CALN1: variants seen among roughly 807,000 people sequenced by gnomAD.
CALN1 encodes calneuron 1.
A neutral mutation model predicts 30.6 loss-of-function variants in CALN1; 17 were observed. The observed-to-expected ratio is 0.56, with a 90% CI of 0.38 to 0.83. The LOEUF (loss-of-function observed/expected upper bound fraction) is 0.83, where lower values mean the gene tolerates loss of function less well. CALN1 is among the 40% of genes least tolerant of loss of function. The pLI, the probability that CALN1 is intolerant of heterozygous loss-of-function variation, is 0.00. For synonymous variants in CALN1, 156 were observed against 131.4 expected, an observed-to-expected ratio of 1.19 and a Z score of -1.28; for missense variants, 291 against 354.9, an observed-to-expected ratio of 0.82 and a Z score of 1.45.
the CALN1 span, among the ~76,000 whole-genome samples, chr7:72,483,768 A>G: frequency 3.3e-5 from 5 of 150,534 alleles, no homozygotes; most frequent in South Asian, 1.1e-3. Flanking sequence ...TAAACAATTC[A>G]CTGATACTCT....
intron 5 of CALN1, among the ~76,000 whole-genome samples, chr7:71,989,470 G>T (rs1584690985): frequency 6.6e-6 from 1 of 151,264 alleles, no homozygotes; most frequent in African/African-American, 2.4e-5. Flanking sequence ...TGATCACAAG[G>T]CCAATATCTG....
At chr7:72,272,506 G>A (rs1225024313) in intron 3 of CALN1, among the ~76,000 whole-genome samples, 1 of 152,148 alleles carries the variant, frequency 6.6e-6, no homozygotes, top group Non-Finnish European at 1.5e-5. Flanking sequence ...AGGCTGCAGT[G>A]AGCCGAAATC....
intron 5 of CALN1, among the ~76,000 whole-genome samples, chr7:72,014,994 A>G (rs1471868914): frequency 1.3e-5 from 2 of 152,122 alleles, no homozygotes; most frequent in South Asian, 2.1e-4. Flanking sequence ...TTATAATCTA[A>G]TAGTATAAGT....
At chr7:72,041,289 A>C (rs1448093276) in intron 4 of CALN1, among the ~76,000 whole-genome samples, 1 of 152,116 alleles carries the variant, frequency 6.6e-6, no homozygotes, top group Non-Finnish European at 1.5e-5. Flanking sequence ...AGTAGGATGA[A>C]GACTGAGAAA....
intron 3 of CALN1, among the ~76,000 whole-genome samples, chr7:72,201,399 G>A (rs1791404368): frequency 6.6e-6 from 1 of 151,966 alleles, no homozygotes; most frequent in Non-Finnish European, 1.5e-5. Flanking sequence ...GACCAGCCTG[G>A]TCAAAATAGT....
intron 3 of CALN1, among the ~76,000 whole-genome samples, chr7:72,247,424 T>C (rs964788584): frequency 4.6e-5 from 7 of 151,726 alleles, no homozygotes; most frequent in African/African-American, 1.5e-4. Flanking sequence ...ATTTTTTGTA[T>C]TTTTAGTAGA....
chr7:72,423,010 G>C (rs536260047), intron 1 of CALN1, among the ~76,000 whole-genome samples: 14 of 151,666 alleles, frequency 9.2e-5, no homozygotes, highest in Admixed American at 2.0e-4. Context: ...CTACTCAGGG[G>C]CTAAGACATG....
chr7:72,322,884 A>G (rs1280143353), intron 2 of CALN1, among the ~76,000 whole-genome samples: 1 of 151,982 alleles, frequency 6.6e-6, no homozygotes, highest in African/African-American at 2.4e-5. Context: ...ATTATTACAC[A>G]CTGCATGCCT....
At chr7:72,377,539 A>C (rs143309387) in intron 2 of CALN1, among the ~76,000 whole-genome samples, 1 of 152,076 alleles carries the variant, frequency 6.6e-6, no homozygotes, top group East Asian at 1.9e-4. Context: ...AGGAATAATT[A>C]TGGAAATTAG....
At chr7:72,232,617 T>C (rs1485586969) in intron 3 of CALN1, among the ~76,000 whole-genome samples, 1 of 60,498 alleles carries the variant, frequency 1.7e-5, no homozygotes, top group Non-Finnish European at 2.6e-5. Flanking sequence ...CCTGCCACCA[T>C]GCTGGCTAAT....
chr7:71,985,580 T>C (rs1798621579), intron 5 of CALN1, among the ~76,000 whole-genome samples: 1 of 145,360 alleles, frequency 6.9e-6, no homozygotes, highest in Admixed American at 7.0e-5. Flanking sequence ...GTACAGGTAG[T>C]TTTCTTTTTT....
Position 72,071,840 on chromosome 7 carries a change from G to A in CALN1, c.388+34311C>T, listed in dbSNP as rs368726431. Among the ~76,000 whole-genome samples, 402 of 152,248 alleles carry A rather than the reference G, an allele frequency of 2.6e-3. 5 individuals are homozygous for A. The highest frequency in any genetic ancestry group is 8.0e-3 in the African/African-American group (333 of 41,556). On this transcript the variant is annotated intron_variant, in intron 4 of 6. Coordinates refer to ENST00000395275, the MANE Select transcript of CALN1 (RefSeq NM_031468.4). ...AATAGACAAATACTTTAAAACAACC[G>A]TCTTAAACATGCTCAAAGAAGGAAG...
At chr7:72,245,508 A>C (rs1795101292) in intron 3 of CALN1, among the ~76,000 whole-genome samples, 1 of 152,084 alleles carries the variant, frequency 6.6e-6, no homozygotes, top group South Asian at 2.1e-4. Flanking sequence ...AATCCCAGCT[A>C]CTCAGGAGGC....
intron 2 of CALN1, among the ~76,000 whole-genome samples, chr7:72,293,148 A>T (rs984708054): frequency 1.3e-5 from 2 of 152,128 alleles, no homozygotes; most frequent in Non-Finnish European, 2.9e-5. Flanking sequence ...CAACAAGAGG[A>T]TTTAAAACAG....
chr7:71,952,144 CATCTCTAT>C (rs1796724599), intron 5 of CALN1, among the ~76,000 whole-genome samples: 1 of 152,176 alleles, frequency 6.6e-6, no homozygotes, highest in Non-Finnish European at 1.5e-5. Flanking sequence ...TTCCTTCTTG[CATCTCTAT>C]CAAATCACTG....
At chr7:72,102,573 A>C (rs1806754722) in intron 4 of CALN1, among the ~76,000 whole-genome samples, 1 of 152,222 alleles carries the variant, frequency 6.6e-6, no homozygotes, top group East Asian at 1.9e-4. Flanking sequence ...TATGGCCATC[A>C]AAAGAAATGA....
chr7:72,120,104 C>A (rs1198168152), intron 3 of CALN1, among the ~76,000 whole-genome samples: 1 of 151,850 alleles, frequency 6.6e-6, no homozygotes, highest in East Asian at 1.9e-4. Context: ...GCCCTTGACC[C>A]CCAGTAGTCC....
intron 1 of CALN1, among the ~76,000 whole-genome samples, chr7:72,423,340 C>T (rs1562963526): frequency 1.3e-5 from 2 of 152,146 alleles, no homozygotes. Context: ...TTTCCTCTTT[C>T]CTTTTTCATT....
intron 2 of CALN1, among the ~76,000 whole-genome samples, chr7:72,293,428 T>G (rs2129555084): frequency 6.6e-6 from 1 of 152,234 alleles, no homozygotes; most frequent in South Asian, 2.1e-4. Flanking sequence ...TGGAGACAAT[T>G]ATCAAAAGCA....
Sources: allele counts gnomAD v4.1 joint callset (sites outside exome capture counted in the v4.1 genomes callset), GRCh38; gene constraint gnomAD v4.1.1; transcripts MANE v1.5; gene names NCBI Gene and HGNC (gene_info 2026-07-23, HGNC 2026-07-21).